Variants in CATSPERG observed in about 807,000 individuals in gnomAD.
The protein encoded by CATSPERG is cation channel sperm-associated auxiliary subunit gamma.
Under a neutral mutation model 145.0 loss-of-function variants are expected in CATSPERG, and 115 were observed. The ratio of observed to expected loss-of-function variants is 0.79; its 90% CI spans 0.68 to 0.93. CATSPERG has a LOEUF of 0.93. Ranked by LOEUF, CATSPERG falls within the 40% of genes least tolerant of loss-of-function variation. The pLI, the probability that CATSPERG is intolerant of heterozygous loss-of-function variation, is 0.00. For synonymous variants in CATSPERG, 588 were observed against 589.0 expected (o/e 1.00, Z 0.02); for missense variants, 1,296 against 1,490.1 (o/e 0.87, Z 2.14).
chr19:38,364,898 T>C lies in CATSPERG; in HGVS notation c.2483T>C (p.Leu828Pro). ...NRNSVLFSIT[L>P]KDKKLCYDQG... is the part of the protein sequence containing the mutation. ...CCCCTCCTTCAACCCCAGATTACGCTCAAGGATAAAAAGCTTTGCTATGAC... is the reference window on the plus strand; with the variant it reads ...CCCCTCCTTCAACCCCAGATTACGCCCAAGGATAAAAAGCTTTGCTATGAC... The change falls in exon 21 of 29, where the codon CTC becomes CCC. Residue 828 changes from leucine (L) to proline (P), a missense_variant. Leu to Pro is a moderately conservative substitution (Grantham distance 98). Transcript: ENST00000409235. The C allele has an allele frequency of 6.2e-7, 1 of 1,613,704 alleles. No individual in the cohort carries two copies.
intron 3 of CATSPERG, among the ~76,000 whole-genome samples, chr19:38,338,145 GT>G (rs111491167): frequency 1.3e-5 from 2 of 151,150 alleles, no homozygotes; most frequent in African/African-American, 2.4e-5. Flanking sequence ...TTTGTTCCAT[GT>G]TTTTTTTGTT....
intron 7 of CATSPERG, among the ~76,000 whole-genome samples, chr19:38,350,411 C>G (rs1038834718): frequency 6.6e-6 from 1 of 152,020 alleles, no homozygotes; most frequent in Non-Finnish European, 1.5e-5. Flanking sequence ...GAGTTTCGCT[C>G]TTGTCACCCA....
At chr19:38,341,097 A>G (rs1331369123) in intron 3 of CATSPERG, among the ~76,000 whole-genome samples, 1 of 152,114 alleles carries the variant, frequency 6.6e-6, no homozygotes, top group Non-Finnish European at 1.5e-5. Context: ...TTGTGGCTGG[A>G]GCAGAGTGAG....
intron 13 of CATSPERG, among the ~76,000 whole-genome samples, chr19:38,359,125 C>T (rs1970299579): frequency 6.6e-6 from 1 of 152,072 alleles, no homozygotes; most frequent in Non-Finnish European, 1.5e-5. Context: ...GCTGGGATTA[C>T]AGGTGTGAAC....
At chr19:38,336,449 G>C in intron 1 of CATSPERG, 1 of 320,324 alleles carries the variant, frequency 3.1e-6, no homozygotes. Flanking sequence ...GTAGGGGCGC[G>C]GTCAGGAGCG....
intron 16 of CATSPERG, 37 bp downstream of exon 16, chr19:38,360,880 C>A: frequency 6.6e-7 from 1 of 1,503,950 alleles, no homozygotes; most frequent in Non-Finnish European, 9.1e-7. Flanking sequence ...GGTCTGAGGG[C>A]TCCCGGCACT....
intron 20 of CATSPERG, among the ~76,000 whole-genome samples, chr19:38,363,855 T>C (rs1173689697): frequency 1.3e-5 from 2 of 152,174 alleles, no homozygotes; most frequent in Non-Finnish European, 2.9e-5. Context: ...AAGTCTCCCA[T>C]GTCTACTTCT....
In CATSPERG at chr19:38,360,112, G is replaced by C. The variant is rs1488815064; in HGVS notation, c.1609-377G>C. The C allele has an allele frequency of 5.5e-5, 54 of 985,202 alleles. 1 individual carries two copies. The highest frequency in any genetic ancestry group is 6.3e-5 in the Non-Finnish European group (52 of 829,920). The allele number at this position is 985,202 out of a possible 1,614,324, so 61.0% of individuals were successfully genotyped here. On this transcript the variant is annotated intron_variant, in intron 14 of 28. Coordinates refer to ENST00000409235, the MANE Select transcript of CATSPERG (RefSeq NM_021185.5). ...GGCATCAGTGCAGAGATGGGAAACT[G>C]AGGCCAGGGAAATGGTGAGACCCTG...
chr19:38,359,431 G>A (rs1280714145), intron 13 of CATSPERG, 39 bp from the exon 14 acceptor site: 1 of 1,387,134 alleles, frequency 7.2e-7, no homozygotes, highest in East Asian at 2.3e-5. Flanking sequence ...GGAAGCGGCT[G>A]TCCAGCATGC....
intron 20 of CATSPERG, among the ~76,000 whole-genome samples, chr19:38,364,070 C>A (rs1485694455): frequency 6.6e-6 from 1 of 150,992 alleles, no homozygotes; most frequent in Non-Finnish European, 1.5e-5. Flanking sequence ...ACCTCCCGGA[C>A]GGGGCAGCTG....
intron 3 of CATSPERG, among the ~76,000 whole-genome samples, chr19:38,338,235 G>T (rs1158072538): frequency 6.6e-6 from 1 of 151,776 alleles, no homozygotes; most frequent in Non-Finnish European, 1.5e-5. Flanking sequence ...TGCAAGCTCC[G>T]CCTCCTGGGT....
chr19:38,370,919 A>G lies in CATSPERG; in HGVS notation c.*127A>G. The G allele has an allele frequency of 9.4e-7, 1 of 1,060,912 alleles. No individual in the cohort carries two copies. The highest frequency in any genetic ancestry group is 2.4e-5 in the Admixed American group (1 of 42,506). The allele number at this position is 1,060,912 out of a possible 1,614,324, so 65.7% of individuals were successfully genotyped here. On this transcript the variant is annotated 3_prime_UTR_variant, in exon 29 of 29. Transcript: ENST00000409235. Reference sequence around the variant, plus strand: ...TGCTTGATGTTTACTTCTCGTTCAGACTCAAATAAAGCCTTTTTTCAGGAC... The same window carrying G: ...TGCTTGATGTTTACTTCTCGTTCAGGCTCAAATAAAGCCTTTTTTCAGGAC...
intron 1 of CATSPERG, chr19:38,336,644 G>A (rs983840160): frequency 8.4e-6 from 2 of 237,554 alleles, no homozygotes; most frequent in Admixed American, 1.1e-4. Context: ...GTGCGAGGGT[G>A]GGGCAAGAGG....
intron 10 of CATSPERG, 41 bp downstream of exon 10, chr19:38,356,584 G>A (rs1161139139): frequency 3.1e-6 from 5 of 1,605,754 alleles, no homozygotes; most frequent in Non-Finnish European, 2.6e-6. Flanking sequence ...GAGGCTGGGG[G>A]AACTGAGGAT....
intron 22 of CATSPERG, 50 bp downstream of exon 22, chr19:38,365,167 G>A: frequency 6.6e-7 from 1 of 1,507,742 alleles, no homozygotes; most frequent in South Asian, 1.1e-5. Context: ...TTGGGGTCGG[G>A]TCTCAACAGG....
At chr19:38,363,431 C>CGTGAGGT (rs897168142) in intron 20 of CATSPERG, among the ~76,000 whole-genome samples, 3 of 148,128 alleles carry the variant, frequency 2.0e-5, no homozygotes, top group South Asian at 2.2e-4. Flanking sequence ...CATGCCTCGG[C>CGTGAGGT]GTGAGGTGTG....
intron 3 of CATSPERG, among the ~76,000 whole-genome samples, chr19:38,341,163 C>T (rs767630935): frequency 5.9e-5 from 9 of 152,022 alleles, no homozygotes; most frequent in Non-Finnish European, 1.2e-4. Context: ...GTTTTTGGGG[C>T]TTGATGGGCC....
At chr19:38,345,198 A>G (rs1435970406) in intron 6 of CATSPERG, among the ~76,000 whole-genome samples, 1 of 151,654 alleles carries the variant, frequency 6.6e-6, no homozygotes, top group Non-Finnish European at 1.5e-5. Flanking sequence ...GGTTCAAGCA[A>G]TTCTCCTGCC....
intron 7 of CATSPERG, among the ~76,000 whole-genome samples, chr19:38,348,380 T>TGA (rs1970076225): frequency 6.6e-6 from 1 of 151,930 alleles, no homozygotes; most frequent in Non-Finnish European, 1.5e-5. Flanking sequence ...AGACTGGTCT[T>TGA]AAACTCCTGC....
Sources: allele counts gnomAD v4.1 joint callset (sites outside exome capture counted in the v4.1 genomes callset), GRCh38; gene constraint gnomAD v4.1.1; transcripts MANE v1.5; gene names NCBI Gene and HGNC (gene_info 2026-07-23, HGNC 2026-07-21).